Variants in SV2B observed in about 807,000 individuals in gnomAD.
SV2B encodes solute carrier family 22 member B2.
In SV2B, 41 loss-of-function variants were observed where a neutral mutation model predicts 73.9. The observed-to-expected ratio is 0.56, with a 90% CI of 0.43 to 0.72. The LOEUF (loss-of-function observed/expected upper bound fraction) is 0.72, where lower values mean the gene tolerates loss of function less well. SV2B is among the 30% of genes least tolerant of loss of function. SV2B has a pLI of 0.00. For missense variants in SV2B, 764 were observed against 857.8 expected (o/e 0.89, Z 1.37); for synonymous variants, 314 against 314.2 (o/e 1.00, Z 0.01).
chr15:91,273,919 G>T (rs772280530), intron 9 of SV2B, among the ~76,000 whole-genome samples: 1 of 151,882 alleles, frequency 6.6e-6, no homozygotes, highest in Admixed American at 6.5e-5. Context: ...GCAGTCTTTT[G>T]AATGTTTCAA....
rs1315652561 is a variant in SV2B at position 91,241,567 on chromosome 15, A to G, written c.452-10252A>G. 6.6e-6 allele frequency among the ~76,000 whole-genome samples: 1 copy of G among 152,052 alleles called. No homozygotes were observed. ...ATCTCTTCCTCATCTTCACTCTCAG[A>G]TTAATAAACTCAGTTCCTCCTGAAC... On this transcript the variant is annotated intron_variant, in intron 2 of 12. Transcript: ENST00000394232. The surrounding 1 kb of genome is among the most constrained non-coding windows in gnomAD (Gnocchi z 4.8).
chr15:91,269,103 T>C (rs1238241123), intron 9 of SV2B, among the ~76,000 whole-genome samples: 54 of 151,392 alleles, frequency 3.6e-4, no homozygotes, highest in Non-Finnish European at 1.3e-4. Flanking sequence ...GAGTGTTTTT[T>C]AGAGGAAAAA....
chr15:91,116,748 C>T (rs2042189915), intron 1 of SV2B, among the ~76,000 whole-genome samples: 1 of 152,140 alleles, frequency 6.6e-6, no homozygotes, highest in African/African-American at 2.4e-5. Flanking sequence ...TGAAGAAATA[C>T]CCAAGACTGG....
chr15:91,101,570 T>C (rs2041725249), intron 1 of SV2B, among the ~76,000 whole-genome samples: 1 of 152,040 alleles, frequency 6.6e-6, no homozygotes, highest in Non-Finnish European at 1.5e-5. Context: ...CATGATGGTG[T>C]TGGAAAAGAG....
intron 1 of SV2B, among the ~76,000 whole-genome samples, chr15:91,113,774 G>A (rs1012753647): frequency 6.6e-6 from 1 of 152,102 alleles, no homozygotes; most frequent in Non-Finnish European, 1.5e-5. Context: ...AGGTTGCATA[G>A]CCTCAGACAA....
chr15:91,150,284 G>A (rs989216311), intron 1 of SV2B, among the ~76,000 whole-genome samples: 1 of 152,184 alleles, frequency 6.6e-6, no homozygotes, highest in African/African-American at 2.4e-5. Context: ...TGGGATTACA[G>A]ACGTGAGCCA....
chr15:91,214,883 A>G lies in SV2B; in HGVS notation c.-391-10990A>G, dbSNP rs1481724520. 6.6e-6 allele frequency among the ~76,000 whole-genome samples: 1 copy of G among 152,210 alleles called. No individual in the cohort carries two copies. The highest frequency in any genetic ancestry group is 1.5e-5 in the Non-Finnish European group (1 of 68,038). ...TGCCTTCAGGAGCAAGCCTTCTGCC[A>G]TCTGCCAGGCAGTTCTGTTTTGGAT... On this transcript the variant is annotated intron_variant, in intron 1 of 12. Transcript: ENST00000394232. This position sits in a 1 kb window ranked among gnomAD's most constrained non-coding sequence, Gnocchi z 4.7.
At chr15:91,177,712 A>G (rs1403317364) in intron 1 of SV2B, among the ~76,000 whole-genome samples, 5 of 121,946 alleles carry the variant, frequency 4.1e-5, no homozygotes, top group Admixed American at 7.5e-5. Flanking sequence ...TTGGTGTATA[A>G]GAATGCTTGT....
At position 91,121,981 on chromosome 15, in the gene SV2B, A is replaced by G. The variant is rs1203693145; in HGVS notation, c.-392+21618A>G. Among the ~76,000 whole-genome samples, 1 of 152,006 alleles carries G rather than the reference A, an allele frequency of 6.6e-6. No homozygotes were observed. The highest frequency in any genetic ancestry group is 1.5e-5 in the Non-Finnish European group (1 of 67,994). ...AGTAGAGACGGGGTTTCACCATGTTAGCCAGGATGGTCTCGATCTCCTGAC... is the reference window on the plus strand; with the variant it reads ...AGTAGAGACGGGGTTTCACCATGTTGGCCAGGATGGTCTCGATCTCCTGAC... On this transcript the variant is annotated intron_variant, in intron 1 of 12. Coordinates refer to ENST00000394232, the MANE Select transcript of SV2B (RefSeq NM_001323032.3). This position sits in a 1 kb window ranked among gnomAD's most constrained non-coding sequence, Gnocchi z 4.4.
At chr15:91,107,818 C>T (rs376832937) in intron 1 of SV2B, among the ~76,000 whole-genome samples, 6 of 152,062 alleles carry the variant, frequency 3.9e-5, no homozygotes, top group East Asian at 3.9e-4. Context: ...GCTATGCTGC[C>T]CAGGCTGGTC....
chr15:91,265,092 G>A lies in SV2B; in HGVS notation c.1009-1490G>A, dbSNP rs148227062. 0.025 allele frequency among the ~76,000 whole-genome samples: 3,745 copies of A among 152,282 alleles called. 71 individuals carry two copies. The highest frequency in any genetic ancestry group is 0.038 in the Non-Finnish European group (2,590 of 68,012). The stretch of plus-strand genomic sequence containing the variant: ...AGCCTGTGGTTGGCGGTCAGGGGCG[G>A]GTACTCAGCCCAGCTTGAAGGTGTT... On this transcript the variant is annotated intron_variant, in intron 6 of 12. Coordinates refer to ENST00000394232, the MANE Select transcript of SV2B (RefSeq NM_001323032.3). The surrounding 1 kb of genome is among the most constrained non-coding windows in gnomAD (Gnocchi z 4.2).
chr15:91,159,080 G>A (rs1034225105), intron 1 of SV2B, among the ~76,000 whole-genome samples: 5 of 152,080 alleles, frequency 3.3e-5, no homozygotes, highest in African/African-American at 1.2e-4. Flanking sequence ...TTTTCATCAA[G>A]AGCACTAGAA....
chr15:91,168,016 T>TGC (rs1207302402), intron 1 of SV2B, among the ~76,000 whole-genome samples: 1 of 152,118 alleles, frequency 6.6e-6, no homozygotes, highest in East Asian at 1.9e-4. Context: ...TCGGGGTCAG[T>TGC]CTATAATCTG....
intron 1 of SV2B, among the ~76,000 whole-genome samples, chr15:91,195,610 A>G (rs761449333): frequency 2.0e-5 from 3 of 152,232 alleles, no homozygotes; most frequent in Non-Finnish European, 2.9e-5. Flanking sequence ...CTATTATGGC[A>G]GCATGGTGTA....
At chr15:91,142,122 C>G (rs1198392001) in intron 1 of SV2B, among the ~76,000 whole-genome samples, 1 of 152,194 alleles carries the variant, frequency 6.6e-6, no homozygotes, top group East Asian at 1.9e-4. Context: ...ATTTCACAGG[C>G]ATCTTCAAAA....
At chr15:91,285,198 A>G (rs1174692554) in intron 11 of SV2B, among the ~76,000 whole-genome samples, 1 of 152,186 alleles carries the variant, frequency 6.6e-6, no homozygotes, top group Non-Finnish European at 1.5e-5. Flanking sequence ...ACTGAATATC[A>G]CTATTATAAA....
At position 91,151,321 on chromosome 15, in the gene SV2B, T is replaced by G. The variant is rs572341597; in HGVS notation, c.-392+50958T>G. On this transcript the variant is annotated intron_variant, in intron 1 of 12. Coordinates refer to ENST00000394232, the MANE Select transcript of SV2B (RefSeq NM_001323032.3). Reference sequence around the variant, plus strand: ...CCATAGAAAAGTTAAACTGCAGCTTTATAATTTGGTCATAATATCCCCAGG... The same window carrying G: ...CCATAGAAAAGTTAAACTGCAGCTTGATAATTTGGTCATAATATCCCCAGG... Among the ~76,000 whole-genome samples the G allele has an allele frequency of 7.5e-4, 114 of 152,372 alleles. 5 individuals are homozygous for G. In the South Asian group the frequency reaches 0.018, roughly 25 times the overall value.
rs2048192052 is a variant in SV2B, at chr15:91,268,686, T to C, written c.1373+81T>C. 9.2e-6 allele frequency: 14 copies of C among 1,528,406 alleles called. No individual in the cohort carries two copies. The South Asian group carries it at 1.7e-4, about 19-fold the overall frequency. The allele number at this position is 1,528,406 out of a possible 1,614,324, so 94.7% of individuals were successfully genotyped here. ...TATTGGGAGGGAGCCGGAGGGAAGA[T>C]AAGAATCAAATATGGCCGGGAATGA... On this transcript the variant is annotated intron_variant, in intron 9 of 12. Transcript: ENST00000394232. This position sits in a 1 kb window ranked among gnomAD's most constrained non-coding sequence, Gnocchi z 4.4.
Position 91,139,527 on chromosome 15 carries a change from C to A in SV2B, c.-392+39164C>A, listed in dbSNP as rs78190626. Among the ~76,000 whole-genome samples, 1 of 152,038 alleles carries A rather than the reference C, an allele frequency of 6.6e-6. No homozygotes were observed. The highest frequency in any genetic ancestry group is 2.4e-5 in the African/African-American group (1 of 41,360). ...AGAAAAGCAGGGTGAGGGCAAACAC[C>A]GCTATCAATGCTGTAGTAAGGAGAG... is the stretch of plus-strand genomic sequence containing the variant. On this transcript the variant is annotated intron_variant, in intron 1 of 12. Coordinates refer to ENST00000394232, the MANE Select transcript of SV2B (RefSeq NM_001323032.3). This position sits in a 1 kb window ranked among gnomAD's most constrained non-coding sequence, Gnocchi z 5.2.
Sources: allele counts gnomAD v4.1 joint callset (sites outside exome capture counted in the v4.1 genomes callset), GRCh38; gene constraint gnomAD v4.1.1; non-coding constraint Gnocchi (gnomAD v3.1); transcripts MANE v1.5; gene names NCBI Gene and HGNC (gene_info 2026-07-23, HGNC 2026-07-21).